LRRK1: variants seen among roughly 807,000 people sequenced by gnomAD.
The protein encoded by LRRK1 is leucine-rich repeat serine/threonine-protein kinase 1.
In LRRK1, 113 loss-of-function variants were observed where a neutral mutation model predicts 209.1. The observed-to-expected ratio is 0.54, with a 90% confidence interval of 0.46 to 0.63. The LOEUF (loss-of-function observed/expected upper bound fraction) is 0.63. Ranked by LOEUF, LRRK1 falls within the 30% of genes least tolerant of loss-of-function variation. The pLI, the probability that LRRK1 is intolerant of heterozygous loss-of-function variation, is 0.00. For missense variants in LRRK1, 2,284 were observed against 2,632.2 expected (o/e 0.87, Z 2.89); for synonymous variants, 1,144 against 1,099.7 (o/e 1.04, Z -0.80).
At chr15:101,016,240 A>T (rs2033535171) in intron 12 of LRRK1, among the ~76,000 whole-genome samples, 1 of 150,966 alleles carries the variant, frequency 6.6e-6, no homozygotes, top group Non-Finnish European at 1.5e-5. Flanking sequence ...CACCCTCATG[A>T]CCTCATCCAA....
At chr15:101,012,460 C>T (rs1032032712) in intron 10 of LRRK1, among the ~76,000 whole-genome samples, 2 of 152,200 alleles carry the variant, frequency 1.3e-5, no homozygotes, top group Admixed American at 1.3e-4. Flanking sequence ...TTCCACGGAA[C>T]CCTGTGTGCC....
intron 2 of LRRK1, among the ~76,000 whole-genome samples, chr15:100,953,502 G>A (rs1473658583): frequency 1.5e-5 from 1 of 68,122 alleles, no homozygotes; most frequent in East Asian, 4.5e-4. Context: ...GTGTGTATGT[G>A]TGTGTCTATA....
At chr15:101,039,720 T>G (rs150882640) in intron 20 of LRRK1, among the ~76,000 whole-genome samples, 1 of 152,334 alleles carries the variant, frequency 6.6e-6, no homozygotes, top group Non-Finnish European at 1.5e-5. Flanking sequence ...CAGAGCTTTG[T>G]TATCCATGGA....
At chr15:100,928,992 C>T (rs1156240873) in intron 2 of LRRK1, among the ~76,000 whole-genome samples, 1 of 152,194 alleles carries the variant, frequency 6.6e-6, no homozygotes. Context: ...CTTTGATGGG[C>T]GTAGAGTTTG....
At chr15:100,930,539 A>G (rs2042193644) in intron 2 of LRRK1, among the ~76,000 whole-genome samples, 1 of 151,734 alleles carries the variant, frequency 6.6e-6, no homozygotes, top group African/African-American at 2.4e-5. Flanking sequence ...CCCCCACCCC[A>G]CACTTGCTCC....
At chr15:101,020,593 C>T (rs2033738543) in intron 12 of LRRK1, among the ~76,000 whole-genome samples, 1 of 152,092 alleles carries the variant, frequency 6.6e-6, no homozygotes, top group Non-Finnish European at 1.5e-5. Flanking sequence ...CCAGCCTGGT[C>T]TTGAACTCCT....
intron 4 of LRRK1, among the ~76,000 whole-genome samples, chr15:100,987,287 CT>C (rs1240888142): frequency 6.6e-6 from 1 of 152,052 alleles, no homozygotes; most frequent in East Asian, 1.9e-4. Context: ...ACTTTGATCC[CT>C]AGGACTATGT....
intron 20 of LRRK1, among the ~76,000 whole-genome samples, chr15:101,035,777 G>C (rs1380279255): frequency 6.6e-6 from 1 of 151,924 alleles, no homozygotes; most frequent in Admixed American, 6.6e-5. Flanking sequence ...GGTTTTCTGT[G>C]GTGGTACCAT....
rs13329618 is a variant in LRRK1 at position 101,029,884 on chromosome 15, A to C, written c.2963+652A>C. ...CTCCTTCTCAAAACAACAACAACAAAAAAAGAATGAGCGACTAGGATGTGC... is the reference window on the plus strand; with the variant it reads ...CTCCTTCTCAAAACAACAACAACAACAAAAGAATGAGCGACTAGGATGTGC... On this transcript the variant is annotated intron_variant, in intron 20 of 33. Transcript: ENST00000388948. 5.1e-3 allele frequency among the ~76,000 whole-genome samples: 781 copies of C among 152,268 alleles called. 7 individuals are homozygous for C. The highest frequency in any genetic ancestry group is 0.018 in the African/African-American group (739 of 41,522).
intron 9 of LRRK1, 131 bp downstream of exon 9, chr15:101,010,968 A>T: frequency 1.3e-6 from 1 of 743,930 alleles, no homozygotes; most frequent in Non-Finnish European, 2.1e-6. Flanking sequence ...CCCGGTTCCC[A>T]CATTGTAAGC....
rs2042072997 is a variant in LRRK1, at chr15:100,924,434, G to A, written c.-122-77G>A. On this transcript the variant is annotated intron_variant, in intron 1 of 33. Transcript: ENST00000388948. The stretch of plus-strand genomic sequence containing the variant: ...GAATGTTGCAGAGGGAAAACTAAAT[G>A]AACCCATGCAAATATTTGCAGGGGA... 6 of 580,570 alleles carry A rather than the reference G, an allele frequency of 1.0e-5. No homozygotes were observed. In the South Asian group the frequency reaches 1.2e-4, roughly 12 times the overall value. 36.0% of individuals were successfully genotyped at this position (580,570 alleles called of 1,614,324 possible).
intron 2 of LRRK1, among the ~76,000 whole-genome samples, chr15:100,956,410 T>TAAA (rs34551285): frequency 1.5e-5 from 2 of 130,608 alleles, no homozygotes; most frequent in African/African-American, 6.0e-5. Context: ...ATTTGTCAAT[T>TAAA]AAAAAAAAAA....
At chr15:101,021,235 A>G in intron 13 of LRRK1, 53 bp downstream of exon 13, 1 of 1,603,766 alleles carries the variant, frequency 6.2e-7, no homozygotes, top group South Asian at 1.1e-5. Flanking sequence ...AGAGAGGCAG[A>G]ACGCCCATCC....
At chr15:100,969,189 GTT>G (rs1324622958) in intron 2 of LRRK1, among the ~76,000 whole-genome samples, 1 of 152,116 alleles carries the variant, frequency 6.6e-6, no homozygotes, top group Non-Finnish European at 1.5e-5. Flanking sequence ...AGTTATACGA[GTT>G]TTTATATTCT....
Position 101,070,044 on chromosome 15 carries a change from T to C in LRRK1, c.*1196T>C, listed in dbSNP as rs571213486. The C allele has an allele frequency of 1.2e-4, 18 of 152,370 alleles. No homozygotes were observed. Among genetic ancestry groups the C allele is most frequent in the African/African-American group, 4.3e-4 (18 of 41,584 alleles). The allele number at this position is 152,370 out of a possible 1,614,324, so 9.4% of individuals were successfully genotyped here. A position where few individuals can be genotyped will look rare whatever the true frequency, so the allele number is the denominator to read the frequency against. The stretch of plus-strand genomic sequence containing the variant: ...CTAAAATTAAAAAGATCAAATTTAG[T>C]ATTTGCTGGATATGCAGGGAGATGA... On this transcript the variant is annotated 3_prime_UTR_variant, in exon 34 of 34. Transcript: ENST00000388948.
intron 2 of LRRK1, among the ~76,000 whole-genome samples, chr15:100,966,353 A>AT (rs1321996106): frequency 9.2e-5 from 14 of 151,914 alleles, no homozygotes; most frequent in South Asian, 2.1e-4. Context: ...GAACTATTTA[A>AT]TTTTTTTTCA....
intron 2 of LRRK1, among the ~76,000 whole-genome samples, chr15:100,936,895 A>G (rs954521431): frequency 6.6e-6 from 1 of 152,214 alleles, no homozygotes; most frequent in African/African-American, 2.4e-5. Flanking sequence ...TGTTGGATTA[A>G]ATATTTTCAT....
intron 2 of LRRK1, among the ~76,000 whole-genome samples, chr15:100,956,455 C>CTTTTTCTTTTTTTTTTTTTTTTTTT: frequency 6.6e-5 from 4 of 60,532 alleles, no homozygotes; most frequent in East Asian, 4.7e-4. Flanking sequence ...TTTTTTTTTT[C>CTTTTTCTTTTTTTTTTTTTTTTTTT]TTTTTTTTTT....
chr15:101,057,699 T>C (rs970902029), intron 28 of LRRK1, among the ~76,000 whole-genome samples: 3 of 152,152 alleles, frequency 2.0e-5, no homozygotes, highest in Non-Finnish European at 2.9e-5. Flanking sequence ...CACTCCAGCT[T>C]GGGCAATATA....
Sources: allele counts gnomAD v4.1 joint callset (sites outside exome capture counted in the v4.1 genomes callset), GRCh38; gene constraint gnomAD v4.1.1; transcripts MANE v1.5; gene names NCBI Gene and HGNC (gene_info 2026-07-23, HGNC 2026-07-21).